The following OXR1 variants were observed in gnomAD, a reference collection of about 807,000 sequenced individuals.
OXR1 encodes the protein oxidation resistance 1.
OXR1 carries 41 observed loss-of-function variants against 104.6 expected under a neutral mutation model. That is an observed-to-expected ratio of 0.39 (90% confidence interval 0.31 to 0.51). OXR1 has a LOEUF of 0.51. Among genes scored for constraint, OXR1 ranks in the 20% least tolerant of loss-of-function variants. The pLI is 0.77. For synonymous variants in OXR1, 348 were observed against 348.4 expected (o/e 1.00, Z 0.01); for missense variants, 955 against 1,031.9 (o/e 0.93, Z 1.02).
At chr8:106,720,288 A>G (rs1832716798) in intron 11 of OXR1, among the ~76,000 whole-genome samples, 1 of 152,162 alleles carries the variant, frequency 6.6e-6, no homozygotes, top group Admixed American at 6.5e-5. Context: ...ATTAAATCAG[A>G]ATAATTGGGG....
At chr8:106,742,415 A>C (rs1834996889) in intron 15 of OXR1, 98 bp downstream of exon 15, 1 of 668,682 alleles carries the variant, frequency 1.5e-6, no homozygotes, top group Admixed American at 3.0e-5. Context: ...TTAAACTACC[A>C]CTGATATTCT....
chr8:106,719,896 C>T (rs556145673), intron 11 of OXR1, among the ~76,000 whole-genome samples: 1 of 152,250 alleles, frequency 6.6e-6, no homozygotes, highest in South Asian at 2.1e-4. Flanking sequence ...AGCTCCGCCT[C>T]CTGGATTCAC....
chr8:106,339,904 G>A (rs1815169954), intron 1 of OXR1, among the ~76,000 whole-genome samples: 1 of 152,012 alleles, frequency 6.6e-6, no homozygotes, highest in Non-Finnish European at 1.5e-5. Context: ...AGTTTAAAAT[G>A]TAGTAAGCAA....
At chr8:106,325,247 C>G (rs1028358229) in intron 1 of OXR1, among the ~76,000 whole-genome samples, 1 of 152,276 alleles carries the variant, frequency 6.6e-6, no homozygotes, top group Non-Finnish European at 1.5e-5. Context: ...ATTCTGCTAA[C>G]AGTATAAAGA....
chr8:106,427,456 T>C (rs1819180121), intron 2 of OXR1, among the ~76,000 whole-genome samples: 1 of 152,110 alleles, frequency 6.6e-6, no homozygotes, highest in Admixed American at 6.6e-5. Context: ...CATGAATTGA[T>C]TTTTAAGAGA....
intron 3 of OXR1, among the ~76,000 whole-genome samples, chr8:106,603,967 CGCT>C: frequency 6.6e-6 from 1 of 152,038 alleles, no homozygotes; most frequent in Non-Finnish European, 1.5e-5. Flanking sequence ...GCAGGAGACT[CGCT>C]TAAACCCAGG....
At chr8:106,576,395 T>A (rs1817833168) in intron 3 of OXR1, among the ~76,000 whole-genome samples, 1 of 150,662 alleles carries the variant, frequency 6.6e-6, no homozygotes, top group African/African-American at 2.4e-5. Flanking sequence ...GGAGTAGAAA[T>A]TATTCTTTTG....
chr8:106,574,591 T>C (rs1384665893), intron 3 of OXR1, among the ~76,000 whole-genome samples: 1 of 152,164 alleles, frequency 6.6e-6, no homozygotes, highest in East Asian at 1.9e-4. Flanking sequence ...AAGGTGAGTA[T>C]AGACAGTAGG....
intron 2 of OXR1, among the ~76,000 whole-genome samples, chr8:106,484,019 G>A (rs1358139732): frequency 6.6e-6 from 1 of 152,020 alleles, no homozygotes; most frequent in Non-Finnish European, 1.5e-5. Flanking sequence ...GTATGGTGAT[G>A]ATTTCTGAGG....
intron 2 of OXR1, among the ~76,000 whole-genome samples, chr8:106,471,740 A>T (rs1821503348): frequency 6.6e-6 from 1 of 151,862 alleles, no homozygotes; most frequent in Non-Finnish European, 1.5e-5. Flanking sequence ...TCTGAAAGAT[A>T]AGTTTCAAAA....
At position 106,730,409 on chromosome 8, in the gene OXR1, T is replaced by C. The variant is rs952982732; in HGVS notation, c.1957-7111T>C. ...CTATTTATCACTCATTCCCTTCCAG[T>C]GAACACCTGGCACCCACCGGTCTTT... is the stretch of plus-strand genomic sequence containing the variant. On this transcript the variant is annotated intron_variant, in intron 11 of 16. Transcript: ENST00000517566. 1.3e-5 allele frequency among the ~76,000 whole-genome samples: 2 copies of C among 151,830 alleles called. 1 individual carries two copies. The highest frequency in any genetic ancestry group is 1.3e-4 in the Admixed American group (2 of 15,268).
intron 11 of OXR1, among the ~76,000 whole-genome samples, chr8:106,734,645 CTG>C (rs1213393690): frequency 6.6e-6 from 1 of 152,190 alleles, no homozygotes; most frequent in Non-Finnish European, 1.5e-5. Context: ...TTGGCAGCAA[CTG>C]TGAATTTTCT....
In OXR1 at chr8:106,713,810, C is replaced by T. The variant is rs771662493; in HGVS notation, c.1794-13C>T. 3 of 1,489,194 alleles carry T rather than the reference C, an allele frequency of 2.0e-6. No homozygotes were observed. Among genetic ancestry groups the T allele is most frequent in the Non-Finnish European group, 2.7e-6 (3 of 1,122,292 alleles). 92.2% of individuals were successfully genotyped at this position (1,489,194 alleles called of 1,614,324 possible). On this transcript the variant is annotated splice_polypyrimidine_tract_variant and intron_variant, in intron 10 of 16. Transcript: ENST00000517566. Reference sequence around the variant, plus strand: ...AGAATACTAGGTATATTAATAGTCACTTCTCCTAACAGGACAGATCACTTG... The same window carrying T: ...AGAATACTAGGTATATTAATAGTCATTTCTCCTAACAGGACAGATCACTTG...
rs148639046 is a variant in OXR1, at chr8:106,583,163, A to C, written c.220+64024A>C. Reference sequence around the variant, plus strand: ...TTTCCTTAAGCTTTAAGGGCAATTCATAAGGCTAAGTATTTTTCATATAAA... The same window carrying C: ...TTTCCTTAAGCTTTAAGGGCAATTCCTAAGGCTAAGTATTTTTCATATAAA... On this transcript the variant is annotated intron_variant, in intron 3 of 16. Transcript: ENST00000517566. 3.3e-3 allele frequency among the ~76,000 whole-genome samples: 499 copies of C among 152,306 alleles called. 2 individuals are homozygous for C. The highest frequency in any genetic ancestry group is 0.011 in the African/African-American group (449 of 41,580).
At chr8:106,429,262 G>A (rs1287977321) in intron 2 of OXR1, among the ~76,000 whole-genome samples, 2 of 152,138 alleles carry the variant, frequency 1.3e-5, no homozygotes, top group Non-Finnish European at 2.9e-5. Flanking sequence ...CCTGCAATGA[G>A]GGAGTGGAGG....
chr8:106,524,098 C>G (rs1454862399), intron 3 of OXR1, among the ~76,000 whole-genome samples: 1 of 152,080 alleles, frequency 6.6e-6, no homozygotes, highest in Non-Finnish European at 1.5e-5. Context: ...TTTTACCACT[C>G]CAATTATTGT....
chr8:106,620,547 C>G (rs1362804748), intron 3 of OXR1, among the ~76,000 whole-genome samples: 1 of 152,150 alleles, frequency 6.6e-6, no homozygotes, highest in Non-Finnish European at 1.5e-5. Context: ...CACTGTGGTT[C>G]TAACTGTTCT....
At position 106,733,989 on chromosome 8, in the gene OXR1, A is replaced by ATT. The variant is rs34442106; in HGVS notation, c.1957-3513_1957-3512dup. On this transcript the variant is annotated intron_variant, in intron 11 of 16. Coordinates refer to ENST00000517566, the MANE Select transcript of OXR1 (RefSeq NM_001198533.2). Reference sequence around the variant, plus strand: ...ACTTCACTAATAGAATTAATTCTGGATTTTTTTTTTTTTTTTTTTAAGACA... The same window carrying ATT: ...ACTTCACTAATAGAATTAATTCTGGATTTTTTTTTTTTTTTTTTTTTAAGACA... Among the ~76,000 whole-genome samples, 804 of 140,622 alleles carry ATT rather than the reference A, an allele frequency of 5.7e-3. 5 individuals are homozygous for ATT. The highest frequency in any genetic ancestry group is 0.017 in the African/African-American group (654 of 39,356). The allele number at this position is 140,622 out of a possible 152,430, so 92.3% of individuals were successfully genotyped here.
intron 3 of OXR1, among the ~76,000 whole-genome samples, chr8:106,628,400 C>A (rs542945795): frequency 6.6e-6 from 1 of 152,042 alleles, no homozygotes; most frequent in Non-Finnish European, 1.5e-5. Flanking sequence ...TTTATAAACT[C>A]CATTTTATAA....
Sources: allele counts gnomAD v4.1 joint callset (sites outside exome capture counted in the v4.1 genomes callset), GRCh38; gene constraint gnomAD v4.1.1; transcripts MANE v1.5; gene names NCBI Gene and HGNC (gene_info 2026-07-23, HGNC 2026-07-21).